The following SMARCAD1 variants were observed in gnomAD, a reference collection of about 807,000 sequenced individuals.
SMARCAD1 encodes SNF2 related chromatin remodeling ATPase with DExD box 1, also known as SWI/SNF-related matrix-associated actin-dependent regulator of chromatin subfamily A containing DEAD/H box 1.
A neutral mutation model predicts 127.1 loss-of-function variants in SMARCAD1; 25 were observed. The ratio of observed to expected loss-of-function variants is 0.20; its 90% confidence interval spans 0.14 to 0.27. The LOEUF is 0.27. Among genes scored for constraint, SMARCAD1 ranks in the 10% least tolerant of loss-of-function variants. The probability of loss-of-function intolerance (pLI) is 1.00; values close to 1 mark genes in which losing one functional copy is unlikely to be tolerated. For synonymous variants in SMARCAD1, 400 were observed against 396.9 expected, an observed-to-expected ratio of 1.01 and a Z score of -0.09; for missense variants, 807 against 1,206.0, an observed-to-expected ratio of 0.67 and a Z score of 4.90.
chr4:94,273,497 T>A (rs1560560126), intron 11 of SMARCAD1, 120 bp from the exon 12 acceptor site: 3 of 716,892 alleles, frequency 4.2e-6, no homozygotes, highest in Non-Finnish European at 7.2e-6. Context: ...TCCTTTAGAG[T>A]TGCATTCTGG....
At chr4:94,277,678 G>A (rs1381269748) in intron 16 of SMARCAD1, among the ~76,000 whole-genome samples, 1 of 152,102 alleles carries the variant, frequency 6.6e-6, no homozygotes, top group African/African-American at 2.4e-5. Context: ...GAAAAGTATA[G>A]TCTTCAAGAA....
In SMARCAD1 at chr4:94,284,997, A is replaced by T; in HGVS notation, c.2947A>T (p.Ile983Phe). The stretch of plus-strand genomic sequence containing the variant: ...TATAAAACTAATAAGCCAAGGGACG[A>T]TTGAAGAATCCATGCTAAAAATTAA... ...LVIKLISQGTIEESMLKINQQ... is the reference protein window; with the variant it reads ...LVIKLISQGTFEESMLKINQQ... Residue 983 changes from isoleucine to phenylalanine, a missense_variant, in exon 23 of 24, where the codon ATT becomes TTT. Physicochemically the swap from Ile to Phe is conservative, Grantham distance 21 (BLOSUM62 0). This residue lies in a region of SMARCAD1 where 36 missense variants were observed against 67.4 expected (regional missense o/e 0.53). Transcript: ENST00000354268. 6.2e-7 allele frequency: 1 copy of T among 1,613,316 alleles called. No homozygotes were observed. Among genetic ancestry groups the T allele is most frequent in the Non-Finnish European group, 8.5e-7 (1 of 1,179,390 alleles).
At chr4:94,257,585 C>T (rs1750295311) in intron 9 of SMARCAD1, among the ~76,000 whole-genome samples, 1 of 152,100 alleles carries the variant, frequency 6.6e-6, no homozygotes, top group African/African-American at 2.4e-5. Flanking sequence ...CTTTCCCCAT[C>T]CCCAAATTGT....
At chr4:94,217,742 A>G (rs903644264) in intron 2 of SMARCAD1, among the ~76,000 whole-genome samples, 2 of 152,218 alleles carry the variant, frequency 1.3e-5, no homozygotes, top group African/African-American at 4.8e-5. Context: ...ATAATAGATG[A>G]GTTTTATTAT....
At chr4:94,258,336 G>T (rs1270689667) in intron 9 of SMARCAD1, among the ~76,000 whole-genome samples, 1 of 151,844 alleles carries the variant, frequency 6.6e-6, no homozygotes, top group Non-Finnish European at 1.5e-5. Context: ...TGTATTTTTA[G>T]CAGAGACGGA....
intron 2 of SMARCAD1, among the ~76,000 whole-genome samples, chr4:94,219,347 G>A (rs1386873264): frequency 6.6e-6 from 1 of 152,034 alleles, no homozygotes; most frequent in African/African-American, 2.4e-5. Context: ...TTAATTTAAA[G>A]TATTTCTATG....
At chr4:94,220,902 C>G (rs1054197896) in intron 2 of SMARCAD1, among the ~76,000 whole-genome samples, 1 of 152,184 alleles carries the variant, frequency 6.6e-6, no homozygotes, top group Non-Finnish European at 1.5e-5. Flanking sequence ...ATGTGAAGTA[C>G]GCATCACTGC....
In SMARCAD1 at chr4:94,208,538, A is replaced by G. The variant is rs150300117; in HGVS notation, c.144A>G (p.Glu48=). ...LSAEEENAEG[E]VSRANTPDSD... is the part of the protein sequence containing the mutation. Reference sequence around the variant, plus strand: ...CTGAAGAGGAGAATGCTGAAGGGGAAGTTAGCAGGGCAAACACTCCTGATT... The same window carrying G: ...CTGAAGAGGAGAATGCTGAAGGGGAGGTTAGCAGGGCAAACACTCCTGATT... Residue 48 remains glutamate (E), a synonymous_variant, in exon 2 of 24, where the codon GAA becomes GAG. Coordinates refer to ENST00000354268, the MANE Select transcript of SMARCAD1 (RefSeq NM_020159.5). 61 of 1,614,052 alleles carry G rather than the reference A, an allele frequency of 3.8e-5. No individual in the cohort carries two copies. Among genetic ancestry groups the G allele is most frequent in the Non-Finnish European group, 4.8e-5 (57 of 1,180,032 alleles).
At chr4:94,207,758 A>G (rs1156818084), upstream of SMARCAD1, 2 of 214,274 alleles carry the variant, frequency 9.3e-6, no homozygotes, top group African/African-American at 4.7e-5. Context: ...GGAAGAAAGA[A>G]CAAGCGAGCG....
intron 3 of SMARCAD1, among the ~76,000 whole-genome samples, chr4:94,227,648 T>A (rs1745229409): frequency 6.6e-6 from 1 of 152,168 alleles, no homozygotes; most frequent in Admixed American, 6.5e-5. Flanking sequence ...GAGATAAAGG[T>A]GACTGTTTCT....
intron 9 of SMARCAD1, among the ~76,000 whole-genome samples, chr4:94,256,692 A>G (rs1397635343): frequency 6.6e-6 from 1 of 152,116 alleles, no homozygotes; most frequent in African/African-American, 2.4e-5. Context: ...TGATTTCTGT[A>G]AAATACCTGG....
At chr4:94,233,017 A>G (rs1050537928) in intron 3 of SMARCAD1, among the ~76,000 whole-genome samples, 7 of 152,160 alleles carry the variant, frequency 4.6e-5, no homozygotes, top group South Asian at 2.1e-4. Flanking sequence ...TTCTTTGGAA[A>G]TTTGCTTTTA....
intron 4 of SMARCAD1, among the ~76,000 whole-genome samples, chr4:94,234,478 T>C (rs1746329972): frequency 1.3e-5 from 2 of 152,184 alleles, no homozygotes; most frequent in South Asian, 4.1e-4. Context: ...TTTAGTGGCA[T>C]TTAGTGCCCT....
intron 2 of SMARCAD1, among the ~76,000 whole-genome samples, chr4:94,219,494 T>A (rs977226181): frequency 1.3e-5 from 2 of 152,002 alleles, no homozygotes; most frequent in Non-Finnish European, 2.9e-5. Flanking sequence ...AATGCTTGTT[T>A]TATGGTAGAC....
intron 3 of SMARCAD1, among the ~76,000 whole-genome samples, chr4:94,232,282 A>G (rs750178747): frequency 3.3e-5 from 5 of 152,208 alleles, no homozygotes; most frequent in Non-Finnish European, 7.3e-5. Flanking sequence ...TTACATCATG[A>G]GGCACATGAA....
intron 6 of SMARCAD1, among the ~76,000 whole-genome samples, chr4:94,244,769 AACTT>A (rs1748156432): frequency 6.7e-6 from 1 of 150,360 alleles, no homozygotes; most frequent in African/African-American, 2.5e-5. Flanking sequence ...AAAAAAAAAA[AACTT>A]AACTTTAAAA....
intron 21 of SMARCAD1, among the ~76,000 whole-genome samples, chr4:94,282,092 G>GTTTTTTTTT (rs144409121): frequency 8.1e-5 from 9 of 110,982 alleles, no homozygotes; most frequent in Non-Finnish European, 1.2e-4. Flanking sequence ...ATGCAAATAC[G>GTTTTTTTTT]TTTTTTTGTT....
chr4:94,258,754 G>A (rs1301636004), intron 9 of SMARCAD1, among the ~76,000 whole-genome samples: 1 of 152,198 alleles, frequency 6.6e-6, no homozygotes, highest in African/African-American at 2.4e-5. Context: ...TGTAAGTGGG[G>A]TGTAATTATA....
chr4:94,289,337 A>G (rs1755396476), intron 23 of SMARCAD1, 136 bp from the exon 24 acceptor site: 7 of 722,710 alleles, frequency 9.7e-6, no homozygotes, highest in South Asian at 6.7e-5. Flanking sequence ...AGTTTTTAAC[A>G]GGGGTGAGTG....
Sources: allele counts gnomAD v4.1 joint callset (sites outside exome capture counted in the v4.1 genomes callset), GRCh38; gene constraint gnomAD v4.1.1; regional missense constraint gnomAD v4.1.1; transcripts MANE v1.5; gene names NCBI Gene and HGNC (gene_info 2026-07-23, HGNC 2026-07-21).